The following SETBP1 variants were observed in gnomAD, a reference collection of about 807,000 sequenced individuals.
The protein encoded by SETBP1 is SET-binding protein.
A neutral mutation model predicts 101.0 loss-of-function variants in SETBP1; 9 were observed. The ratio of observed to expected loss-of-function variants is 0.09; its 90% CI spans 0.05 to 0.16. SETBP1 has a LOEUF of 0.16. Ranked by LOEUF, SETBP1 falls within the 10% of genes least tolerant of loss-of-function variation. The probability of loss-of-function intolerance (pLI) is 1.00; values close to 1 mark genes in which losing one functional copy is unlikely to be tolerated. For missense variants in SETBP1, 1,858 were observed against 2,033.8 expected, an observed-to-expected ratio of 0.91 and a Z score of 1.66; for synonymous variants, 818 against 788.5, an observed-to-expected ratio of 1.04 and a Z score of -0.63.
rs1335733269 is a variant in SETBP1 at position 44,727,220 on chromosome 18, T to TGTGTGTGTGTG, written c.486+25389_486+25390insTGTGTGTGTGG. On this transcript the variant is annotated intron_variant, in intron 2 of 5. Transcript: ENST00000649279. ...TGTGTGTGTGTGTGTGTGTGTGTGT[T>TGTGTGTGTGTG]GATACCCAAATAAAACAAACTCTTA... Among the ~76,000 whole-genome samples, 34 of 63,966 alleles carry TGTGTGTGTGTG rather than the reference T, an allele frequency of 5.3e-4. No homozygotes were observed. The East Asian group carries it at 9.5e-3, about 18-fold the overall frequency. The allele number at this position is 63,966 out of a possible 152,430, so 42.0% of individuals were successfully genotyped here.
chr18:44,818,417 C>T lies in SETBP1; in HGVS notation c.487-50813C>T, dbSNP rs148802592. On this transcript the variant is annotated intron_variant, in intron 2 of 5. Transcript: ENST00000649279. ...TGGCCAAGGTCAGGCTGCATTGAAC[C>T]CAAGACTCCCAGCGGAGTGTGCCTT... is the stretch of plus-strand genomic sequence containing the variant. Among the ~76,000 whole-genome samples the T allele has an allele frequency of 6.0e-3, 914 of 152,258 alleles. 6 individuals carry two copies. Among genetic ancestry groups the T allele is most frequent in the Non-Finnish European group, 9.4e-3 (642 of 68,018 alleles).
At chr18:45,046,761 A>G (rs1477092105) in intron 5 of SETBP1, among the ~76,000 whole-genome samples, 1 of 152,218 alleles carries the variant, frequency 6.6e-6, no homozygotes, top group East Asian at 1.9e-4. Flanking sequence ...TGTCTCACTC[A>G]ATAAGTATTG....
At chr18:44,858,591 G>T (rs934450720) in intron 2 of SETBP1, among the ~76,000 whole-genome samples, 1 of 152,148 alleles carries the variant, frequency 6.6e-6, no homozygotes, top group Non-Finnish European at 1.5e-5. Flanking sequence ...TTTATTTTGT[G>T]AAGGTTGTTT....
chr18:45,017,031 T>C (rs2072961527), intron 4 of SETBP1, among the ~76,000 whole-genome samples: 1 of 152,158 alleles, frequency 6.6e-6, no homozygotes, highest in African/African-American at 2.4e-5. Flanking sequence ...TTTTGTCTCG[T>C]CCTTTGTTTT....
intron 2 of SETBP1, among the ~76,000 whole-genome samples, chr18:44,804,154 T>C (rs2071675579): frequency 6.6e-6 from 1 of 152,124 alleles, no homozygotes; most frequent in Non-Finnish European, 1.5e-5. Flanking sequence ...CAAGAGGTTA[T>C]AAAATTGAAC....
intron 4 of SETBP1, among the ~76,000 whole-genome samples, chr18:45,011,739 T>C (rs915039136): frequency 1.2e-4 from 18 of 152,232 alleles, no homozygotes; most frequent in African/African-American, 3.9e-4. Context: ...ATTGGCTCTT[T>C]GCACTGCCCC....
Position 44,985,255 on chromosome 18 carries a change from A to T in SETBP1, c.4000+31915A>T, listed in dbSNP as rs1210813319. Among the ~76,000 whole-genome samples, 4 of 152,342 alleles carry T rather than the reference A, an allele frequency of 2.6e-5. No individual in the cohort carries two copies. The East Asian group carries it at 5.8e-4, about 22-fold the overall frequency. On this transcript the variant is annotated intron_variant, in intron 4 of 5. Transcript: ENST00000649279. Reference sequence around the variant, plus strand: ...CTAAAATTGACAAGAAAGTCTTAAAAAAAAAAGTTTACTTGCTTAATTTGC... The same window carrying T: ...CTAAAATTGACAAGAAAGTCTTAAATAAAAAAGTTTACTTGCTTAATTTGC...
At chr18:45,041,194 AT>A (rs1018026140) in intron 5 of SETBP1, among the ~76,000 whole-genome samples, 13 of 152,066 alleles carry the variant, frequency 8.5e-5, no homozygotes, top group African/African-American at 3.1e-4. Context: ...GCAAAGGCAG[AT>A]TTTTTTTCTC....
At chr18:45,008,100 G>T (rs771952719) in intron 4 of SETBP1, among the ~76,000 whole-genome samples, 18 of 152,096 alleles carry the variant, frequency 1.2e-4, no homozygotes, top group Non-Finnish European at 2.2e-4. Flanking sequence ...ATGCAATGAG[G>T]GTTCAGAAAA....
At chr18:44,908,147 G>A (rs2070219941) in intron 3 of SETBP1, among the ~76,000 whole-genome samples, 2 of 151,632 alleles carry the variant, frequency 1.3e-5, no homozygotes, top group African/African-American at 2.4e-5. Context: ...TGCAACCTCC[G>A]CCTCCCGGGT....
chr18:44,788,329 G>A (rs2071289170), intron 2 of SETBP1, among the ~76,000 whole-genome samples: 1 of 152,146 alleles, frequency 6.6e-6, no homozygotes, highest in Non-Finnish European at 1.5e-5. Flanking sequence ...ATGACTTCAG[G>A]AGACAGGATA....
intron 1 of SETBP1, among the ~76,000 whole-genome samples, chr18:44,686,968 TTCTC>T (rs2068850504): frequency 6.6e-6 from 1 of 152,222 alleles, no homozygotes. Flanking sequence ...GCCCTTGACT[TTCTC>T]TGAAAATTCC....
At chr18:44,782,834 C>T (rs144449208) in intron 2 of SETBP1, among the ~76,000 whole-genome samples, 1,581 of 152,242 alleles carry the variant, frequency 0.01, 16 homozygotes, top group Non-Finnish European at 0.018. Flanking sequence ...AGACAGCATG[C>T]CAGGGTGATC....
chr18:44,710,994 CAAA>C (rs1304175127), intron 2 of SETBP1, among the ~76,000 whole-genome samples: 1 of 152,064 alleles, frequency 6.6e-6, no homozygotes, highest in African/African-American at 2.4e-5. Flanking sequence ...ACACAACATG[CAAA>C]CACCTTCACT....
rs144027678 is a variant in SETBP1, at chr18:44,961,414, G to A, written c.4000+8074G>A. 1.5e-3 allele frequency among the ~76,000 whole-genome samples: 227 copies of A among 152,330 alleles called. 1 individual carries two copies. Among genetic ancestry groups the A allele is most frequent in the African/African-American group, 5.2e-3 (218 of 41,566 alleles). ...GCCTCGTGGACTGTGTGCCTAGGCT[G>A]AATGGCAAGGAGTTAATGAATAAGT... is the stretch of plus-strand genomic sequence containing the variant. On this transcript the variant is annotated intron_variant, in intron 4 of 5. Coordinates refer to ENST00000649279, the MANE Select transcript of SETBP1 (RefSeq NM_015559.3).
At chr18:45,028,714 G>A (rs925096557) in intron 4 of SETBP1, among the ~76,000 whole-genome samples, 3 of 152,184 alleles carry the variant, frequency 2.0e-5, no homozygotes, top group East Asian at 1.9e-4. Flanking sequence ...TAACTGTTGT[G>A]AGATGGTATC....
chr18:44,783,893 C>A (rs937833339), intron 2 of SETBP1, among the ~76,000 whole-genome samples: 2 of 152,110 alleles, frequency 1.3e-5, no homozygotes, highest in Admixed American at 6.6e-5. Flanking sequence ...AAGCCTTGGG[C>A]AAATGGTTCA....
At chr18:44,987,798 G>C (rs560265768) in intron 4 of SETBP1, 3 of 152,194 alleles carry the variant, frequency 2.0e-5, no homozygotes, top group Non-Finnish European at 4.4e-5. Context: ...TTATGTTGTA[G>C]CACAGCAGCA....
At chr18:44,778,242 T>C (rs548608957) in intron 2 of SETBP1, among the ~76,000 whole-genome samples, 1 of 152,084 alleles carries the variant, frequency 6.6e-6, no homozygotes, top group Non-Finnish European at 1.5e-5. Flanking sequence ...TCCTCTGGAG[T>C]AGAGAACAGT....
Sources: gnomAD v4.1 joint callset for allele counts (sites outside exome capture counted in the v4.1 genomes callset) on GRCh38, gnomAD v4.1.1 for gene constraint, MANE v1.5 for transcripts, NCBI Gene and HGNC (gene_info 2026-07-23, HGNC 2026-07-21) for gene names.